The following UGT2B4 variants were observed in gnomAD, a reference collection of about 807,000 sequenced individuals.
UGT2B4 encodes the protein UDP glucuronosyltransferase family 2 member B4.
UGT2B4 carries 49 observed loss-of-function variants against 49.8 expected under a neutral mutation model. That is an observed-to-expected ratio of 0.98 (90% CI 0.78 to 1.25). UGT2B4 has a LOEUF of 1.25. UGT2B4 is among the 50% of genes most tolerant of loss of function. UGT2B4 has a pLI of 0.00. For missense variants in UGT2B4, 729 were observed against 627.7 expected (o/e 1.16, Z -1.73); for synonymous variants, 246 against 217.7 (o/e 1.13, Z -1.14).
chr4:69,493,648 C>A lies in UGT2B4; in HGVS notation c.870+45G>T, dbSNP rs754652659. 4.4e-6 allele frequency: 7 copies of A among 1,575,364 alleles called. No homozygotes were observed. The South Asian group carries it at 8.5e-5, about 19-fold the overall frequency. Reference sequence around the variant, plus strand: ...CACTTTGAATGAATATAGAACCATTCGTACTGAAACTTCAAAGCAGACAAA... The same window carrying A: ...CACTTTGAATGAATATAGAACCATTAGTACTGAAACTTCAAAGCAGACAAA... On this transcript the variant is annotated intron_variant, in intron 2 of 5. Coordinates refer to ENST00000305107, the MANE Select transcript of UGT2B4 (RefSeq NM_021139.3).
At chr4:69,525,830 G>A (rs1728970850) in exon 1 of UGT2B4, 2 of 851,936 alleles carry the variant, frequency 2.3e-6, no homozygotes, top group Non-Finnish European at 3.1e-6. Context: ...GGCTGGGCGA[G>A]GTGGCTCACA....
At chr4:69,518,849 T>C (rs973032181) in intron 1 of UGT2B4, among the ~76,000 whole-genome samples, 9 of 152,134 alleles carry the variant, frequency 5.9e-5, no homozygotes, top group African/African-American at 1.7e-4. Context: ...AGAACCATTT[T>C]GATAAATTAT....
intron 3 of UGT2B4, among the ~76,000 whole-genome samples, chr4:69,487,172 C>T (rs41297415): frequency 4.9e-4 from 75 of 152,218 alleles, no homozygotes; most frequent in Non-Finnish European, 9.0e-4. Flanking sequence ...GACAGCATGG[C>T]GATTCCTCAA....
At chr4:69,489,288 A>G in intron 3 of UGT2B4, 151 bp downstream of exon 3, 1 of 1,028,476 alleles carries the variant, frequency 9.7e-7, no homozygotes, top group South Asian at 1.6e-5. Context: ...CATCTTCCAT[A>G]CATATTTTTG....
At chr4:69,512,396 T>C (rs1348128010) in intron 1 of UGT2B4, among the ~76,000 whole-genome samples, 2 of 152,166 alleles carry the variant, frequency 1.3e-5, no homozygotes, top group African/African-American at 4.8e-5. Flanking sequence ...ACTTGCTCTT[T>C]TATGTATTGC....
At chr4:69,482,798 G>C (rs1727631624) in intron 5 of UGT2B4, among the ~76,000 whole-genome samples, 1 of 151,336 alleles carries the variant, frequency 6.6e-6, no homozygotes. Context: ...GCAGAGACAA[G>C]GTTTTCACCA....
chr4:69,513,638 T>C (rs896000349), intron 1 of UGT2B4, among the ~76,000 whole-genome samples: 3 of 152,326 alleles, frequency 2.0e-5, no homozygotes, highest in East Asian at 1.9e-4. Context: ...TTAATAAGAA[T>C]AGCATTGAAT....
At chr4:69,519,008 A>G (rs1728790576) in intron 1 of UGT2B4, among the ~76,000 whole-genome samples, 1 of 152,190 alleles carries the variant, frequency 6.6e-6, no homozygotes, top group Non-Finnish European at 1.5e-5. Flanking sequence ...CAAAGAAGGA[A>G]TTTCATAATA....
At position 69,486,624 on chromosome 4, in the gene UGT2B4, G is replaced by A. The variant is rs750533586; in HGVS notation, c.1075C>T (p.Gln359Ter). The A allele has an allele frequency of 4.4e-6, 7 of 1,602,406 alleles. No homozygotes were observed. The highest frequency in any genetic ancestry group is 2.7e-5 in the African/African-American group (2 of 74,214). The change falls in exon 4 of 6, where the codon CAG (glutamine) becomes TAG (stop). Residue 359 changes from glutamine to a stop codon, truncating the protein, a stop_gained. Coordinates refer to ENST00000305107, the MANE Select transcript of UGT2B4 (RefSeq NM_021139.3). LOFTEE classifies it high-confidence loss of function. ...AGAGACTTACCAAGAAGATCATTCT[G>A]GGGTATCCACTTGTACAGCCGAGTA... is the stretch of plus-strand genomic sequence containing the variant. Reference protein sequence around the residue: ...LNTRLYKWIPQNDLLGHPKTR... With the variant: ...LNTRLYKWIP
At chr4:69,512,078 A>C (rs1560441805) in intron 1 of UGT2B4, among the ~76,000 whole-genome samples, 1 of 149,218 alleles carries the variant, frequency 6.7e-6, no homozygotes, top group Admixed American at 6.8e-5. Context: ...TTATCTTTTC[A>C]AAAAAAAACC....
At chr4:69,500,668 AGGAAG>A (rs767906520), upstream of UGT2B4, among the ~76,000 whole-genome samples, 552 of 110,076 alleles carry the variant, frequency 5.0e-3, 4 homozygotes, top group Non-Finnish European at 1.0e-2. Context: ...AAAGAAAGAA[AGGAAG>A]GAAAGAAAAG....
intron 1 of UGT2B4, chr4:69,517,639 G>C (rs1045333227): frequency 1.3e-5 from 2 of 152,400 alleles, no homozygotes; most frequent in African/African-American, 4.8e-5. Flanking sequence ...TCTATTTTGT[G>C]ATACTTACGT....
chr4:69,497,257 G>T (rs909720534), upstream of UGT2B4, among the ~76,000 whole-genome samples: 6 of 152,162 alleles, frequency 3.9e-5, no homozygotes, highest in South Asian at 4.1e-4. Context: ...ACTCACCAAA[G>T]AATGCAGTTT....
intron 1 of UGT2B4, among the ~76,000 whole-genome samples, chr4:69,508,221 T>C (rs993418621): frequency 6.6e-6 from 1 of 151,758 alleles, no homozygotes; most frequent in Non-Finnish European, 1.5e-5. Flanking sequence ...TTGGAGAGAT[T>C]GGGGAGAAAA....
At chr4:69,506,404 G>T (rs1304383503) in intron 1 of UGT2B4, among the ~76,000 whole-genome samples, 1 of 152,036 alleles carries the variant, frequency 6.6e-6, no homozygotes, top group African/African-American at 2.4e-5. Context: ...GATTAGCACA[G>T]ACTTGACAGA....
chr4:69,498,789 A>G (rs1029963842), upstream of UGT2B4, among the ~76,000 whole-genome samples: 7 of 151,532 alleles, frequency 4.6e-5, no homozygotes, highest in African/African-American at 1.7e-4. Context: ...ACTGCTGTCT[A>G]TTTTATTTTA....
At chr4:69,524,882 C>T (rs1728946119) in intron 1 of UGT2B4, among the ~76,000 whole-genome samples, 1 of 152,126 alleles carries the variant, frequency 6.6e-6, no homozygotes, top group Admixed American at 6.5e-5. Context: ...AGATAACATA[C>T]AGGGTAAGAC....
At position 69,485,378 on chromosome 4, in the gene UGT2B4, G is replaced by A; in HGVS notation, c.1140C>T (p.Ile380=). The A allele has an allele frequency of 6.2e-7, 1 of 1,613,882 alleles. No homozygotes were observed. The highest frequency in any genetic ancestry group is 8.5e-7 in the Non-Finnish European group (1 of 1,179,842). The change falls in exon 5 of 6, where the codon ATC becomes ATT. Residue 380 remains isoleucine (I), a synonymous_variant. Coordinates refer to ENST00000305107, the MANE Select transcript of UGT2B4 (RefSeq NM_021139.3). ...AFITHGGANG[I]YEAIYHGIPM... ...GGATTCCATGGTAGATTGCCTCATA[G>A]ATGCCATTGGCTCCACCATGAGTTA...
rs1398818872 is a variant in UGT2B4, at chr4:69,520,089, CAT to C, written c.-106+5596_-106+5597del. Among the ~76,000 whole-genome samples, 11 of 152,194 alleles carry C rather than the reference CAT, an allele frequency of 7.2e-5. No individual in the cohort carries two copies. The East Asian group carries it at 2.1e-3, about 29-fold the overall frequency. The stretch of plus-strand genomic sequence containing the variant: ...CTACTTATTTCCTATCAAAAACACA[CAT>C]GTAAAATATTAAATTAGAAAACACT... On this transcript the variant is annotated intron_variant, in intron 1 of 1. Coordinates refer to the UGT2B4 transcript ENST00000510114.
Sources: gnomAD v4.1 joint callset for allele counts (sites outside exome capture counted in the v4.1 genomes callset) on GRCh38, gnomAD v4.1.1 for gene constraint, MANE v1.5 for transcripts, NCBI Gene and HGNC (gene_info 2026-07-23, HGNC 2026-07-21) for gene names.